The following AKR1A1 variants were observed in gnomAD, a reference collection of about 807,000 sequenced individuals.
AKR1A1 encodes the protein aldo-keto reductase family 1 member A1.
AKR1A1 carries 26 observed loss-of-function variants against 39.2 expected under a neutral mutation model. The ratio of observed to expected loss-of-function variants is 0.66; its 90% confidence interval spans 0.49 to 0.92. AKR1A1 has a LOEUF of 0.92. Ranked by LOEUF, AKR1A1 falls within the 40% of genes least tolerant of loss-of-function variation. The pLI, the probability that AKR1A1 is intolerant of heterozygous loss-of-function variation, is 0.00. For synonymous variants in AKR1A1, 141 were observed against 155.5 expected, an observed-to-expected ratio of 0.91 and a Z score of 0.69; for missense variants, 378 against 406.5, an observed-to-expected ratio of 0.93 and a Z score of 0.60.
chr1:45,560,168 T>C (rs1431004120), intron 1 of AKR1A1, among the ~76,000 whole-genome samples: 1 of 152,046 alleles, frequency 6.6e-6, no homozygotes, highest in Admixed American at 6.6e-5. Flanking sequence ...TATTTTTTGG[T>C]AGAAATGGGG....
chr1:45,564,608 G>A (rs1035366598), intron 2 of AKR1A1, among the ~76,000 whole-genome samples: 1 of 151,252 alleles, frequency 6.6e-6, no homozygotes, highest in Non-Finnish European at 1.5e-5. Context: ...TCTTTTGCTG[G>A]CCTGTGCTCC....
chr1:45,568,301 T>C, intron 5 of AKR1A1, 124 bp downstream of exon 5: 1 of 1,285,192 alleles, frequency 7.8e-7, no homozygotes, highest in Non-Finnish European at 1.1e-6. Context: ...AGAAGTCCTC[T>C]GCATAAAGGT....
chr1:45,566,609 G>C lies in AKR1A1; in HGVS notation c.125G>C (p.Arg42Pro). ...AVKYALSVGY[R>P]HIDCAAIYGN... ...AAGTATGCCCTTAGCGTAGGCTACC[G>C]CCACATTGATTGTGCTGCTATCTAC... The change falls in exon 3 of 9, where the codon CGC (arginine) becomes CCC (proline). Residue 42 changes from arginine to proline, a missense_variant. Arg to Pro is a moderately radical substitution (Grantham distance 103, BLOSUM62 -2). Transcript: ENST00000351829. 6.2e-7 allele frequency: 1 copy of C among 1,614,226 alleles called. No homozygotes were observed.
chr1:45,568,508 T>C lies in AKR1A1; in HGVS notation c.576T>C (p.Ala192=). The change falls in exon 6 of 9, where the codon GCT becomes GCC. Residue 192 remains alanine, a synonymous_variant. Coordinates refer to ENST00000351829, the MANE Select transcript of AKR1A1 (RefSeq NM_153326.3). ...VLQVECHPYL[A]QNELIAHCQA... ...AGGTGGAATGCCACCCATACTTGGC[T>C]CAAAATGAGCTAATTGCCCACTGCC... The C allele has an allele frequency of 6.2e-7, 1 of 1,613,756 alleles. No individual in the cohort carries two copies. The highest frequency in any genetic ancestry group is 8.5e-7 in the Non-Finnish European group (1 of 1,180,006).
chr1:45,552,923 G>A (rs1222092062), intron 1 of AKR1A1, among the ~76,000 whole-genome samples: 2 of 151,918 alleles, frequency 1.3e-5, no homozygotes, highest in Non-Finnish European at 2.9e-5. Context: ...TCAGGAGTTC[G>A]AGACCAGCCT....
Position 45,568,942 on chromosome 1 carries a change from GAAAGTGATCTGCATCCCCA to G in AKR1A1, c.774_792del (p.Ile259SerfsTer22). On this transcript the variant is annotated frameshift_variant, in exon 7 of 9. Transcript: ENST00000351829. LOFTEE classifies it high-confidence loss of function. ...CCCAACTTAGGTGGCAGGTCCAGCG[GAAAGTGATCTGCATCCCCA>G]AAAGTATCACTCCTTCTCGAATCCT... 1 of 1,614,202 alleles carries G rather than the reference GAAAGTGATCTGCATCCCCA, an allele frequency of 6.2e-7. No individual in the cohort carries two copies. The highest frequency in any genetic ancestry group is 1.1e-5 in the South Asian group (1 of 91,088).
chr1:45,556,259 C>T (rs1294002788), intron 1 of AKR1A1, among the ~76,000 whole-genome samples: 3 of 152,208 alleles, frequency 2.0e-5, no homozygotes, highest in African/African-American at 7.2e-5. Context: ...CCACTCAACC[C>T]ACACATCTCT....
intron 2 of AKR1A1, among the ~76,000 whole-genome samples, chr1:45,562,330 A>ATTTTTT (rs957556536): frequency 7.6e-6 from 1 of 132,246 alleles, no homozygotes; most frequent in Non-Finnish European, 1.6e-5. Flanking sequence ...AGGTCAGCAA[A>ATTTTTT]TTTTTTTTTT....
chr1:45,551,726 C>T (rs1222754327), intron 1 of AKR1A1, among the ~76,000 whole-genome samples: 1 of 152,186 alleles, frequency 6.6e-6, no homozygotes, highest in East Asian at 1.9e-4. Context: ...GTTACTTTTC[C>T]AAGATCTGTT....
rs1307034177 is a variant in AKR1A1, at chr1:45,561,727, A to G, written c.-6-62A>G. 2.6e-6 allele frequency: 4 copies of G among 1,537,652 alleles called. No individual in the cohort carries two copies. In the Admixed American group the frequency reaches 6.8e-5, roughly 26 times the overall value. On this transcript the variant is annotated intron_variant, in intron 1 of 8. Transcript: ENST00000351829. ...CGCTTTGCAGTATTCTTGACAGTGG[A>G]AATCTGAGACCTGAACAACAGCACT...
rs1453906105 is a variant in AKR1A1, at chr1:45,569,322, A to G, written c.912+93A>G. The G allele has an allele frequency of 3.9e-6, 4 of 1,035,992 alleles. No individual in the cohort carries two copies. The African/African-American group carries it at 4.7e-5, about 12-fold the overall frequency. The allele number at this position is 1,035,992 out of a possible 1,614,324, so 64.2% of individuals were successfully genotyped here. Reference sequence around the variant, plus strand: ...GACCTAAGGCTTGCTGGTTGTGAGAAGGACACAATGTTGTGGGTGGGATTG... The same window carrying G: ...GACCTAAGGCTTGCTGGTTGTGAGAGGGACACAATGTTGTGGGTGGGATTG... On this transcript the variant is annotated intron_variant, in intron 8 of 8. Transcript: ENST00000351829.
chr1:45,566,101 C>CA (rs1644340231), intron 2 of AKR1A1, among the ~76,000 whole-genome samples: 1 of 147,236 alleles, frequency 6.8e-6, no homozygotes, highest in African/African-American at 2.5e-5. Flanking sequence ...CATCTTCCAT[C>CA]TTTTTTTTTT....
intron 1 of AKR1A1, among the ~76,000 whole-genome samples, chr1:45,555,016 T>C (rs768275355): frequency 1.1e-4 from 16 of 151,930 alleles, no homozygotes; most frequent in Non-Finnish European, 1.6e-4. Flanking sequence ...AAGGCCCAAA[T>C]GGATTATACT....
At chr1:45,559,241 T>C (rs1239531235) in intron 1 of AKR1A1, among the ~76,000 whole-genome samples, 1 of 152,208 alleles carries the variant, frequency 6.6e-6, no homozygotes, top group Non-Finnish European at 1.5e-5. Flanking sequence ...ATTTTTCTCT[T>C]GGGTTTAGCA....
At position 45,561,840 on chromosome 1, in the gene AKR1A1, C is replaced by T. The variant is rs1175752222; in HGVS notation, c.46C>T (p.Leu16=). 1.9e-6 allele frequency: 3 copies of T among 1,614,138 alleles called. No individual in the cohort carries two copies. Among genetic ancestry groups the T allele is most frequent in the Non-Finnish European group, 8.5e-7 (1 of 1,180,024 alleles). The change falls in exon 2 of 9, where the codon CTG becomes TTG. Residue 16 remains leucine, a synonymous_variant. Coordinates refer to ENST00000351829, the MANE Select transcript of AKR1A1 (RefSeq NM_153326.3). ...ACTGCACACTGGGCAGAAGATGCCTCTGATTGGTCTGGGTACCTGGAAGAG... is the reference window on the plus strand; with the variant it reads ...ACTGCACACTGGGCAGAAGATGCCTTTGATTGGTCTGGGTACCTGGAAGAG... ...VLLHTGQKMP[L]IGLGTWKSEP...
chr1:45,568,064 C>T lies in AKR1A1; in HGVS notation c.439C>T (p.Leu147=). The T allele has an allele frequency of 6.2e-7, 1 of 1,614,064 alleles. No homozygotes were observed. Among genetic ancestry groups the T allele is most frequent in the Non-Finnish European group, 8.5e-7 (1 of 1,180,014 alleles). The change falls in exon 5 of 9, where the codon CTG becomes TTG. Residue 147 remains leucine (L), a synonymous_variant. Transcript: ENST00000351829. ...STHYKETWKA[L]EALVAKGLVQ... ...CCACTACAAGGAGACTTGGAAGGCT[C>T]TGGAGGCACTGGTGGCTAAGGGGCT... is the stretch of plus-strand genomic sequence containing the variant.
At chr1:45,566,504 TGGGGTGGTGA>T in intron 2 of AKR1A1, 55 bp from the exon 3 acceptor site, 1 of 1,599,996 alleles carries the variant, frequency 6.3e-7, no homozygotes, top group African/African-American at 1.3e-5. Flanking sequence ...GCATTGACCT[TGGGGTGGTGA>T]CAGTAGAAGG....
At chr1:45,558,520 C>T (rs367618994) in intron 1 of AKR1A1, among the ~76,000 whole-genome samples, 1 of 151,780 alleles carries the variant, frequency 6.6e-6, no homozygotes. Context: ...CTGTCTCAGC[C>T]TTCTGAGTAT....
intron 1 of AKR1A1, among the ~76,000 whole-genome samples, chr1:45,554,749 G>A (rs1644178266): frequency 6.6e-6 from 1 of 152,140 alleles, no homozygotes; most frequent in South Asian, 2.1e-4. Context: ...GGAGTGCAGT[G>A]GTGTGATTTC....
Sources: allele counts gnomAD v4.1 joint callset (sites outside exome capture counted in the v4.1 genomes callset), GRCh38; gene constraint gnomAD v4.1.1; transcripts MANE v1.5; gene names NCBI Gene and HGNC (gene_info 2026-07-23, HGNC 2026-07-21).